Variants in CPNE4 observed in about 807,000 individuals in gnomAD.
CPNE4 encodes copine 4, also known as copine-4.
CPNE4 carries 25 observed loss-of-function variants against 67.9 expected under a neutral mutation model. The observed-to-expected ratio is 0.37, with a 90% CI of 0.27 to 0.51. The LOEUF (loss-of-function observed/expected upper bound fraction) is 0.51. Among genes scored for constraint, CPNE4 ranks in the 20% least tolerant of loss-of-function variants. The pLI is 0.93. For missense variants in CPNE4, 464 were observed against 690.8 expected (o/e 0.67, Z 3.68); for synonymous variants, 242 against 244.9 (o/e 0.99, Z 0.11).
At chr3:131,785,945 A>G (rs1365729177) in intron 2 of CPNE4, among the ~76,000 whole-genome samples, 1 of 152,132 alleles carries the variant, frequency 6.6e-6, no homozygotes, top group Non-Finnish European at 1.5e-5. Context: ...AAGTACTCCC[A>G]TATATGACCA....
chr3:131,549,545 A>G (rs769069809), intron 14 of CPNE4, among the ~76,000 whole-genome samples: 1 of 152,148 alleles, frequency 6.6e-6, no homozygotes, highest in Non-Finnish European at 1.5e-5. Flanking sequence ...AGAATCATCC[A>G]TTGTTTTACT....
upstream of CPNE4, among the ~76,000 whole-genome samples, chr3:132,038,961 T>G (rs2074375477): frequency 6.6e-6 from 1 of 152,196 alleles, no homozygotes; most frequent in Non-Finnish European, 1.5e-5. Flanking sequence ...CCCTGCACTA[T>G]TTATTGTGGT....
At chr3:131,897,048 A>G (rs1371305408) in intron 2 of CPNE4, among the ~76,000 whole-genome samples, 1 of 152,110 alleles carries the variant, frequency 6.6e-6, no homozygotes, top group Non-Finnish European at 1.5e-5. Flanking sequence ...ATTAACATGA[A>G]ACACATGGTT....
upstream of CPNE4, chr3:132,037,871 G>A: frequency 1.1e-5 from 4 of 380,940 alleles, no homozygotes; most frequent in Middle Eastern, 7.2e-4. Flanking sequence ...TTTTTTAAGG[G>A]GAGCAGATGA....
chr3:131,644,358 A>G (rs893093809), intron 7 of CPNE4, among the ~76,000 whole-genome samples: 2 of 152,090 alleles, frequency 1.3e-5, no homozygotes, highest in East Asian at 1.9e-4. Context: ...CATGTTAACC[A>G]GGATGGTCTT....
chr3:131,881,916 G>A (rs1026173412), intron 2 of CPNE4, among the ~76,000 whole-genome samples: 6 of 152,054 alleles, frequency 3.9e-5, no homozygotes, highest in Non-Finnish European at 7.4e-5. Context: ...CCAGTTCTCT[G>A]CACACAAAGA....
At chr3:131,877,242 G>A (rs1010834446) in intron 2 of CPNE4, among the ~76,000 whole-genome samples, 7 of 151,994 alleles carry the variant, frequency 4.6e-5, no homozygotes, top group East Asian at 1.9e-4. Context: ...CCTTCTGCCC[G>A]TTACAATTTT....
chr3:131,973,294 A>G (rs1256089205), intron 1 of CPNE4, among the ~76,000 whole-genome samples: 1 of 152,188 alleles, frequency 6.6e-6, no homozygotes, highest in Non-Finnish European at 1.5e-5. Context: ...AAGTTCTACC[A>G]AGCCTCTGTT....
chr3:131,615,921 ACACACACG>A (rs1159330001), intron 7 of CPNE4, among the ~76,000 whole-genome samples: 150 of 89,534 alleles, frequency 1.7e-3, no homozygotes, highest in African/African-American at 0.017. Flanking sequence ...ACACACACAC[ACACACACG>A]CACACACACA....
intron 2 of CPNE4, among the ~76,000 whole-genome samples, chr3:131,737,442 T>C (rs2082263978): frequency 6.6e-6 from 1 of 152,122 alleles, no homozygotes; most frequent in South Asian, 2.1e-4. Context: ...GGGATGACAT[T>C]GCTGGATCCT....
chr3:131,858,136 CAAGAGAATTA>C (rs1351103525), intron 2 of CPNE4, among the ~76,000 whole-genome samples: 1 of 151,874 alleles, frequency 6.6e-6, no homozygotes, highest in African/African-American at 2.4e-5. Flanking sequence ...GTCTTAAAGC[CAAGAGAATTA>C]AAGCTTTGAC....
chr3:132,016,542 T>C (rs2073892319), intron 1 of CPNE4, among the ~76,000 whole-genome samples: 1 of 151,978 alleles, frequency 6.6e-6, no homozygotes, highest in Admixed American at 6.5e-5. Context: ...TGTCCAGGAG[T>C]GAAGAAGTCA....
chr3:131,713,580 T>C (rs1358037385), intron 3 of CPNE4, among the ~76,000 whole-genome samples: 1 of 152,200 alleles, frequency 6.6e-6, no homozygotes, highest in Non-Finnish European at 1.5e-5. Flanking sequence ...GCAAAATGTT[T>C]GTTCTATAGA....
chr3:131,567,333 ATATGT>A (rs1937110069), intron 10 of CPNE4, among the ~76,000 whole-genome samples: 1 of 151,984 alleles, frequency 6.6e-6, no homozygotes, highest in Admixed American at 6.6e-5. Flanking sequence ...ACCTGGATGA[ATATGT>A]TATATCTAGA....
chr3:131,861,127 T>C (rs929866310), intron 2 of CPNE4, among the ~76,000 whole-genome samples: 2 of 152,200 alleles, frequency 1.3e-5, no homozygotes, highest in Admixed American at 1.3e-4. Flanking sequence ...AACCACATAT[T>C]TGGAGTCAGT....
intron 11 of CPNE4, 126 bp downstream of exon 11, chr3:131,564,090 A>T (rs1292846882): frequency 8.8e-7 from 1 of 1,130,764 alleles, no homozygotes; most frequent in Non-Finnish European, 1.3e-6. Context: ...AGAGGGAATG[A>T]AACTTTTGAA....
At chr3:131,698,178 T>C (rs1182658488) in intron 4 of CPNE4, among the ~76,000 whole-genome samples, 3 of 134,050 alleles carry the variant, frequency 2.2e-5, no homozygotes, top group Non-Finnish European at 3.0e-5. Flanking sequence ...GAACTTGTAG[T>C]GAGATGAGAT....
intron 2 of CPNE4, among the ~76,000 whole-genome samples, chr3:131,889,253 T>C (rs1171601828): frequency 6.6e-6 from 1 of 152,180 alleles, no homozygotes; most frequent in Non-Finnish European, 1.5e-5. Context: ...GTCACATGGA[T>C]AAGCCAAGCA....
chr3:131,665,848 A>C (rs1431440831), intron 7 of CPNE4, among the ~76,000 whole-genome samples: 1 of 152,030 alleles, frequency 6.6e-6, no homozygotes, highest in Admixed American at 6.6e-5. Context: ...AATATTAAGC[A>C]CTCCTGCAAA....
Sources: allele counts gnomAD v4.1 joint callset (sites outside exome capture counted in the v4.1 genomes callset), GRCh38; gene constraint gnomAD v4.1.1; transcripts MANE v1.5; gene names NCBI Gene and HGNC (gene_info 2026-07-23, HGNC 2026-07-21).